OR10D3: variants seen among roughly 807,000 people sequenced by gnomAD.
OR10D3 encodes the protein olfactory receptor 10D3.
For missense variants in OR10D3, 286 were observed against 153.7 expected (o/e 1.86, Z -4.55); for synonymous variants, 100 against 57.6 (o/e 1.74, Z -3.33).
At chr11:124,184,528 A>T (rs1263693688) in intron 1 of OR10D3, among the ~76,000 whole-genome samples, 2 of 152,140 alleles carry the variant, frequency 1.3e-5, no homozygotes, top group African/African-American at 2.4e-5. Context: ...GTAAGATTTG[A>T]CAAGGCCAGT....
exon 2 of OR10D3, chr11:124,185,951 A>C: frequency 1.4e-6 from 1 of 703,296 alleles, no homozygotes; most frequent in Non-Finnish European, 2.6e-6. Context: ...TATCTTAAGC[A>C]TTCGTACAAC....
chr11:124,186,839 A>G (rs966222003), exon 2 of OR10D3: 1 of 152,238 alleles, frequency 6.6e-6, no homozygotes, highest in Non-Finnish European at 1.5e-5. Flanking sequence ...TGTCTAGTAT[A>G]TTAGATTTGG....
exon 2 of OR10D3, chr11:124,186,438 A>G (rs1861226904): frequency 3.0e-6 from 1 of 337,602 alleles, no homozygotes; most frequent in East Asian, 4.8e-5. Context: ...GTTTATTGTT[A>G]CTTTGCCTTT....
exon 2 of OR10D3, chr11:124,187,062 G>A (rs1406249662): frequency 6.6e-6 from 1 of 152,052 alleles, no homozygotes; most frequent in Non-Finnish European, 1.5e-5. Flanking sequence ...TAGATTTCTA[G>A]GTAAGATTCT....
exon 2 of OR10D3, chr11:124,185,275 G>A: frequency 1.4e-6 from 1 of 702,364 alleles, no homozygotes; most frequent in Non-Finnish European, 2.6e-6. Context: ...CTTCCATGGA[G>A]GTGAAGAACT....
exon 2 of OR10D3, chr11:124,188,394 G>A (rs1861248333): frequency 6.6e-6 from 1 of 152,252 alleles, no homozygotes; most frequent in Non-Finnish European, 1.5e-5. Flanking sequence ...ATCAGCAACA[G>A]CTTGAAAGAA....
chr11:124,184,426 T>A (rs1861196385), intron 1 of OR10D3: 1 of 152,174 alleles, frequency 6.6e-6, no homozygotes, highest in African/African-American at 2.4e-5. Flanking sequence ...TAGCTGGATA[T>A]ATATTGATTT....
At chr11:124,188,045 G>T (rs1202175183) in exon 2 of OR10D3, 1 of 152,118 alleles carries the variant, frequency 6.6e-6, no homozygotes, top group Non-Finnish European at 1.5e-5. Context: ...AGCCCAAGAA[G>T]CATCTTACAT....
chr11:124,186,973 G>A (rs927899901), exon 2 of OR10D3: 1 of 152,156 alleles, frequency 6.6e-6, no homozygotes, highest in Non-Finnish European at 1.5e-5. Context: ...AAGGAGCCCC[G>A]AGACTCCAGT....
At chr11:124,186,500 ATT>A (rs57201296) in exon 2 of OR10D3, 190 of 150,238 alleles carry the variant, frequency 1.3e-3, no homozygotes, top group South Asian at 2.1e-3. Flanking sequence ...CCATCCTGCC[ATT>A]TTTTTTTTTT....
Position 124,184,616 on chromosome 11 carries a change from T to G in OR10D3, c.-11-643T>G, listed in dbSNP as rs183913077. ...TGTTTAAAAAGAAAAAAAAAGAATG[T>G]AGATGCCTAGTTCTACCAAGAACTA... On this transcript the variant is annotated intron_variant, in intron 1 of 1. Coordinates refer to ENST00000641351, the Ensembl canonical transcript of OR10D3. Among the ~76,000 whole-genome samples the G allele has an allele frequency of 4.1e-4, 63 of 152,254 alleles. 1 individual carries two copies. Among genetic ancestry groups the G allele is most frequent in the Admixed American group, 8.5e-4 (13 of 15,288 alleles).
At chr11:124,187,295 C>T (rs1449917786) in exon 2 of OR10D3, 3 of 152,142 alleles carry the variant, frequency 2.0e-5, no homozygotes, top group Admixed American at 6.5e-5. Flanking sequence ...CAATTCTGCT[C>T]TTCCAAAAAA....
chr11:124,186,260 A>G (rs1465489432), exon 2 of OR10D3: 4 of 628,416 alleles, frequency 6.4e-6, no homozygotes, highest in Admixed American at 2.6e-5. Flanking sequence ...GCTTTGACCT[A>G]AGAAATTTCA....
At chr11:124,183,560 T>C (rs143923078) in intron 1 of OR10D3, among the ~76,000 whole-genome samples, 177 bp downstream of exon 1, 76 of 102,406 alleles carry the variant, frequency 7.4e-4, no homozygotes, top group Admixed American at 1.1e-3. Flanking sequence ...CCTTCCCTCC[T>C]TCCCTCCCTC....
At chr11:124,186,078 C>T (rs1861222484) in exon 2 of OR10D3, 1 of 703,196 alleles carries the variant, frequency 1.4e-6, no homozygotes, top group African/African-American at 1.7e-5. Context: ...ATGCTGGGAA[C>T]CGTGGTACAA....
At chr11:124,187,784 A>C (rs1328548018) in exon 2 of OR10D3, 1 of 152,210 alleles carries the variant, frequency 6.6e-6, no homozygotes, top group South Asian at 2.1e-4. Context: ...AGTAGTATGA[A>C]GATTATCTTT....
chr11:124,186,040 T>C, exon 2 of OR10D3: 1 of 703,468 alleles, frequency 1.4e-6, no homozygotes, highest in Non-Finnish European at 2.6e-6. Context: ...CCATCATCAC[T>C]GTCTACCTGC....
At chr11:124,187,245 A>T (rs1027149626) in exon 2 of OR10D3, 1 of 152,176 alleles carries the variant, frequency 6.6e-6, no homozygotes, top group Admixed American at 6.5e-5. Context: ...AGCTTGCTAG[A>T]CTTGGTAAAG....
At chr11:124,186,094 C>T (rs986284908) in exon 2 of OR10D3, 3 of 703,260 alleles carry the variant, frequency 4.3e-6, no homozygotes, top group Non-Finnish European at 7.8e-6. Context: ...TACAAATTCT[C>T]ATGAATCTGG....
Sources: gnomAD v4.1 joint callset for allele counts (sites outside exome capture counted in the v4.1 genomes callset) on GRCh38, gnomAD v4.1.1 for gene constraint, MANE v1.5 for transcripts, NCBI Gene and HGNC (gene_info 2026-07-23, HGNC 2026-07-21) for gene names.